Variants in RUNDC3B observed in about 807,000 individuals in gnomAD.
The protein encoded by RUNDC3B is RUN domain containing 3B, also known as RUN domain-containing protein 3B.
A neutral mutation model predicts 58.4 loss-of-function variants in RUNDC3B; 33 were observed. The ratio of observed to expected loss-of-function variants is 0.56; its 90% CI spans 0.43 to 0.75. RUNDC3B has a LOEUF of 0.75. RUNDC3B is among the 30% of genes least tolerant of loss of function. The pLI, the probability that RUNDC3B is intolerant of heterozygous loss-of-function variation, is 0.00. For synonymous variants in RUNDC3B, 193 were observed against 195.2 expected (o/e 0.99, Z 0.10); for missense variants, 501 against 535.7 (o/e 0.94, Z 0.64).
chr7:87,678,423 A>T (rs1826591297), intron 2 of RUNDC3B, among the ~76,000 whole-genome samples: 1 of 152,196 alleles, frequency 6.6e-6, no homozygotes, highest in African/African-American at 2.4e-5. Flanking sequence ...ATTAAATATT[A>T]GGTGTTCTAT....
At chr7:87,816,715 A>T (rs2130951702) in intron 10 of RUNDC3B, among the ~76,000 whole-genome samples, 1 of 152,170 alleles carries the variant, frequency 6.6e-6, no homozygotes, top group Admixed American at 6.6e-5. Context: ...AACAAACATA[A>T]AAGTGTTTTA....
intron 6 of RUNDC3B, among the ~76,000 whole-genome samples, chr7:87,766,169 G>T (rs1460950692): frequency 6.6e-6 from 1 of 151,962 alleles, no homozygotes; most frequent in Non-Finnish European, 1.5e-5. Context: ...CTTCCATTTT[G>T]AGTCTGTAAG....
At chr7:87,748,603 T>C (rs1324914847) in intron 6 of RUNDC3B, among the ~76,000 whole-genome samples, 1 of 151,952 alleles carries the variant, frequency 6.6e-6, no homozygotes, top group Non-Finnish European at 1.5e-5. Flanking sequence ...ATGTCACACA[T>C]ACACACACAC....
At chr7:87,822,426 T>C (rs1837521694) in intron 10 of RUNDC3B, among the ~76,000 whole-genome samples, 1 of 152,186 alleles carries the variant, frequency 6.6e-6, no homozygotes, top group African/African-American at 2.4e-5. Context: ...AGGAACACTT[T>C]TACACTGTTG....
chr7:87,635,780 AC>A (rs1355419644), intron 1 of RUNDC3B, among the ~76,000 whole-genome samples: 1 of 152,136 alleles, frequency 6.6e-6, no homozygotes, highest in Non-Finnish European at 1.5e-5. Flanking sequence ...TGTAGTTAAT[AC>A]CCTGGTTTTT....
chr7:87,713,428 A>G (rs1311663770), intron 4 of RUNDC3B: 1 of 152,210 alleles, frequency 6.6e-6, no homozygotes, highest in Non-Finnish European at 1.5e-5. Context: ...GGGTGGGAGT[A>G]GAGATAAAAT....
chr7:87,717,884 TAGAAA>T (rs1317352452), intron 4 of RUNDC3B, among the ~76,000 whole-genome samples: 1 of 152,088 alleles, frequency 6.6e-6, no homozygotes, highest in South Asian at 2.1e-4. Flanking sequence ...CTAATACAGT[TAGAAA>T]AGAAAATTAT....
intron 9 of RUNDC3B, among the ~76,000 whole-genome samples, chr7:87,815,699 T>G (rs1249407174): frequency 6.6e-6 from 1 of 152,082 alleles, no homozygotes; most frequent in Non-Finnish European, 1.5e-5. Context: ...ATATAATCTG[T>G]AATAATGTCA....
At chr7:87,827,477 ACTCTGT>A (rs1563238227) in intron 10 of RUNDC3B, among the ~76,000 whole-genome samples, 1 of 152,168 alleles carries the variant, frequency 6.6e-6, no homozygotes, top group Non-Finnish European at 1.5e-5. Context: ...CTAGAGTGAG[ACTCTGT>A]CTCAAAAACA....
chr7:87,668,569 G>C (rs1346030909), intron 2 of RUNDC3B, among the ~76,000 whole-genome samples: 3 of 151,948 alleles, frequency 2.0e-5, no homozygotes, highest in Admixed American at 6.6e-5. Flanking sequence ...TGTGAAGGTA[G>C]GTTGTTAATT....
At position 87,830,742 on chromosome 7, in the gene RUNDC3B, T is replaced by C. The variant is rs1470592351; in HGVS notation, c.*712T>C. On this transcript the variant is annotated 3_prime_UTR_variant, in exon 11 of 11. Coordinates refer to ENST00000394654, the MANE Select transcript of RUNDC3B (RefSeq NM_001134405.2). ...AAATGAATAAACTGTTTTCCAAGAT[T>C]TTCTTAAAAGATTATCAATTTAAAA... 1 of 151,622 alleles carries C rather than the reference T, an allele frequency of 6.6e-6. No homozygotes were observed. Among genetic ancestry groups the C allele is most frequent in the African/African-American group, 2.4e-5 (1 of 41,316 alleles). 9.4% of individuals were successfully genotyped at this position (151,622 alleles called of 1,614,324 possible).
Position 87,676,703 on chromosome 7 carries a change from C to CAA in RUNDC3B, c.239-23693_239-23692dup, listed in dbSNP as rs57480483. On this transcript the variant is annotated intron_variant, in intron 2 of 10. Transcript: ENST00000394654. Reference sequence around the variant, plus strand: ...TGGGCAACAGAGCAAGACCCTGTCTCAAAAAAAAAAAAAAAAAAAAAAAAA... The same window carrying CAA: ...TGGGCAACAGAGCAAGACCCTGTCTCAAAAAAAAAAAAAAAAAAAAAAAAAAA... 1.5e-3 allele frequency among the ~76,000 whole-genome samples: 70 copies of CAA among 45,398 alleles called. 2 individuals are homozygous for CAA. Among genetic ancestry groups the CAA allele is most frequent in the African/African-American group, 2.4e-3 (31 of 12,910 alleles). The allele number at this position is 45,398 out of a possible 152,430, so 29.8% of individuals were successfully genotyped here. A position where few individuals can be genotyped will look rare whatever the true frequency, so the allele number is the denominator to read the frequency against.
chr7:87,812,781 A>G (rs1836796951), intron 9 of RUNDC3B, among the ~76,000 whole-genome samples: 1 of 152,230 alleles, frequency 6.6e-6, no homozygotes, highest in African/African-American at 2.4e-5. Context: ...TGTTAATTGG[A>G]TTAATGTATC....
In RUNDC3B at chr7:87,766,854, T is replaced by G. The variant is rs1834003072; in HGVS notation, c.630-3727T>G. ...AATATTTTTTCCAAACATTTTACTT[T>G]TTCATCTTCTCTCTCAAGAATAGCC... is the stretch of plus-strand genomic sequence containing the variant. On this transcript the variant is annotated intron_variant, in intron 6 of 10. Transcript: ENST00000394654. Among the ~76,000 whole-genome samples the G allele has an allele frequency of 2.6e-5, 4 of 152,136 alleles. No individual in the cohort carries two copies. In the South Asian group the frequency reaches 8.3e-4, roughly 31 times the overall value.
chr7:87,774,861 ATGT>A (rs1470606742), intron 7 of RUNDC3B, among the ~76,000 whole-genome samples: 1 of 152,202 alleles, frequency 6.6e-6, no homozygotes, highest in South Asian at 2.1e-4. Flanking sequence ...AGCCGTGATG[ATGT>A]TGTAACACAG....
chr7:87,702,005 T>C lies in RUNDC3B; in HGVS notation c.372+1451T>C, dbSNP rs559173883. Among the ~76,000 whole-genome samples the C allele has an allele frequency of 5.7e-4, 87 of 151,484 alleles. No homozygotes were observed. The South Asian group carries it at 9.8e-3, about 17-fold the overall frequency. On this transcript the variant is annotated intron_variant, in intron 3 of 10. Coordinates refer to ENST00000394654, the MANE Select transcript of RUNDC3B (RefSeq NM_001134405.2). ...GAAAATATAAAAAATTAGCCAGGCGTGGTGGTGGGCACCTGTAATCCCAGC... is the reference window on the plus strand; with the variant it reads ...GAAAATATAAAAAATTAGCCAGGCGCGGTGGTGGGCACCTGTAATCCCAGC...
intron 3 of RUNDC3B, among the ~76,000 whole-genome samples, chr7:87,708,024 A>G (rs1829760751): frequency 6.6e-6 from 1 of 152,154 alleles, no homozygotes; most frequent in South Asian, 2.1e-4. Context: ...TTAGAGGAAT[A>G]GGCTTAAATA....
intron 2 of RUNDC3B, among the ~76,000 whole-genome samples, chr7:87,659,769 T>A (rs1824503588): frequency 6.6e-6 from 1 of 152,200 alleles, no homozygotes; most frequent in Non-Finnish European, 1.5e-5. Flanking sequence ...TTCCTTTTTA[T>A]CTCCACCTTC....
chr7:87,628,846 G>T lies in RUNDC3B; in HGVS notation c.23G>T (p.Gly8Val), dbSNP rs779052957. 6 of 1,267,712 alleles carry T rather than the reference G, an allele frequency of 4.7e-6. No individual in the cohort carries two copies. Among genetic ancestry groups the T allele is most frequent in the Admixed American group, 3.9e-5 (1 of 25,488 alleles). 78.5% of individuals were successfully genotyped at this position (1,267,712 alleles called of 1,614,324 possible). ...GCCATGGCCTCCCGGAGCCTGGGGGGCCTGAGCGGGATCCGCGGCGGTGGC... is the reference window on the plus strand; with the variant it reads ...GCCATGGCCTCCCGGAGCCTGGGGGTCCTGAGCGGGATCCGCGGCGGTGGC... MASRSLG[G>V]LSGIRGGGGG... Residue 8 changes from glycine to valine, a missense_variant, in exon 1 of 11, where the codon GGC (glycine) becomes GTC (valine). Transcript: ENST00000394654.
Sources: allele counts gnomAD v4.1 joint callset (sites outside exome capture counted in the v4.1 genomes callset), GRCh38; gene constraint gnomAD v4.1.1; transcripts MANE v1.5; gene names NCBI Gene and HGNC (gene_info 2026-07-23, HGNC 2026-07-21).